The following TINAG variants were observed in gnomAD, a reference collection of about 807,000 sequenced individuals.
The protein encoded by TINAG is tubulointerstitial nephritis antigen.
TINAG carries 83 observed loss-of-function variants against 72.7 expected under a neutral mutation model. The observed-to-expected ratio is 1.14, with a 90% CI of 0.96 to 1.37. The LOEUF is 1.37. TINAG is among the 40% of genes most tolerant of loss of function. TINAG has a pLI of 0.00. For missense variants in TINAG, 685 were observed against 576.6 expected, an observed-to-expected ratio of 1.19 and a Z score of -1.93; for synonymous variants, 234 against 189.9, an observed-to-expected ratio of 1.23 and a Z score of -1.91.
chr6:54,346,439 G>A (rs1185459814), intron 5 of TINAG, among the ~76,000 whole-genome samples: 2 of 151,382 alleles, frequency 1.3e-5, no homozygotes, highest in South Asian at 2.1e-4. Context: ...CATATATAAT[G>A]ATATTAGTTA....
intron 10 of TINAG, among the ~76,000 whole-genome samples, chr6:54,381,062 A>G (rs1389933643): frequency 1.3e-5 from 2 of 148,418 alleles, no homozygotes; most frequent in Non-Finnish European, 3.0e-5. Flanking sequence ...ATATATACAC[A>G]TATATGTATA....
In TINAG at chr6:54,313,477, A is replaced by G. The variant is rs75867791; in HGVS notation, c.355+4572A>G. 0.024 allele frequency among the ~76,000 whole-genome samples: 3,675 copies of G among 152,224 alleles called. 271 individuals are homozygous for G. In the East Asian group the frequency reaches 0.3, roughly 12 times the overall value. ...TGAACATACTCTTCCTCCTCCTTAC[A>G]AGCTAAGATTTATTGAATACTTACT... On this transcript the variant is annotated intron_variant, in intron 1 of 10. Transcript: ENST00000259782.
At chr6:54,358,477 T>C (rs953801171) in intron 9 of TINAG, among the ~76,000 whole-genome samples, 10 of 150,940 alleles carry the variant, frequency 6.6e-5, no homozygotes, top group Non-Finnish European at 1.0e-4. Context: ...TTTTTCCTTA[T>C]GGTCTGCACT....
intron 9 of TINAG, among the ~76,000 whole-genome samples, chr6:54,378,922 T>A (rs1170245047): frequency 6.6e-6 from 1 of 152,122 alleles, no homozygotes; most frequent in East Asian, 1.9e-4. Context: ...ATACATTATA[T>A]TTTGTGTGTG....
intron 1 of TINAG, among the ~76,000 whole-genome samples, chr6:54,319,865 A>T (rs1273012223): frequency 6.6e-6 from 1 of 152,118 alleles, no homozygotes. Context: ...AGCAGATTAT[A>T]TTTTCAAAAG....
In TINAG at chr6:54,349,860, C is replaced by A. The variant is rs1277383573; in HGVS notation, c.1044C>A (p.Ile348=). The change falls in exon 7 of 11, where the codon ATC becomes ATA. Residue 348 remains isoleucine, a synonymous_variant. Transcript: ENST00000259782. ...CPNNVEKSNR[I]YQCSPPYRVS... is the part of the protein sequence containing the mutation. ...ACAACGTAGAAAAATCTAACAGGATCTATCAATGTTCTCCTCCATACAGAG... is the reference window on the plus strand; with the variant it reads ...ACAACGTAGAAAAATCTAACAGGATATATCAATGTTCTCCTCCATACAGAG... The A allele has an allele frequency of 1.2e-6, 2 of 1,608,668 alleles. No homozygotes were observed. Among genetic ancestry groups the A allele is most frequent in the Middle Eastern group, 1.7e-4 (1 of 6,040 alleles).
intron 7 of TINAG, 59 bp from the exon 8 acceptor site, chr6:54,351,293 C>A: frequency 6.9e-7 from 1 of 1,456,698 alleles, no homozygotes; most frequent in Non-Finnish European, 9.6e-7. Context: ...GTACACCAAT[C>A]AATGGGTTTA....
At chr6:54,378,283 A>G (rs1349760669) in intron 9 of TINAG, among the ~76,000 whole-genome samples, 1 of 152,298 alleles carries the variant, frequency 6.6e-6, no homozygotes, top group Middle Eastern at 3.4e-3. Context: ...TTCAGTTGCC[A>G]TACTTTCCTT....
chr6:54,341,602 C>G (rs758857212), intron 4 of TINAG, among the ~76,000 whole-genome samples: 4 of 152,092 alleles, frequency 2.6e-5, no homozygotes, highest in African/African-American at 9.7e-5. Context: ...TGGATGAAAA[C>G]CTTTTCAAGC....
intron 1 of TINAG, 83 bp from the exon 2 acceptor site, chr6:54,320,495 AC>A: frequency 8.8e-7 from 1 of 1,138,510 alleles, no homozygotes; most frequent in Non-Finnish European, 1.3e-6. Flanking sequence ...TGAAAAGCTA[AC>A]TATGATTTTT....
At chr6:54,345,529 A>G (rs773800116) in intron 5 of TINAG, among the ~76,000 whole-genome samples, 11 of 152,176 alleles carry the variant, frequency 7.2e-5, no homozygotes, top group Non-Finnish European at 1.2e-4. Flanking sequence ...TCTACACTAT[A>G]AAAGTATTTT....
chr6:54,341,000 G>T (rs1274378643), intron 4 of TINAG, among the ~76,000 whole-genome samples: 1 of 152,004 alleles, frequency 6.6e-6, no homozygotes, highest in Non-Finnish European at 1.5e-5. Flanking sequence ...TTCAAATGTG[G>T]AGGTCAATTT....
intron 8 of TINAG, among the ~76,000 whole-genome samples, chr6:54,354,101 C>T (rs1785332328): frequency 6.6e-6 from 1 of 151,810 alleles, no homozygotes. Context: ...GGATTAACAA[C>T]AATTGCTTTA....
chr6:54,381,916 G>A (rs1562186951), intron 10 of TINAG, among the ~76,000 whole-genome samples: 1 of 151,972 alleles, frequency 6.6e-6, no homozygotes, highest in Non-Finnish European at 1.5e-5. Context: ...ATGAACGAAT[G>A]TGCAGAGGAA....
chr6:54,349,019 A>G (rs368599851), intron 6 of TINAG, among the ~76,000 whole-genome samples: 6 of 152,122 alleles, frequency 3.9e-5, no homozygotes, highest in Middle Eastern at 3.4e-3. Context: ...CAATATTATT[A>G]TGTTTGAATT....
intron 9 of TINAG, among the ~76,000 whole-genome samples, chr6:54,357,698 T>C (rs1254526940): frequency 1.3e-5 from 2 of 151,948 alleles, no homozygotes; most frequent in Non-Finnish European, 2.9e-5. Context: ...CACTGTTTAC[T>C]ATCTGAACTA....
rs1763115591 is a variant in TINAG, at chr6:54,358,236, CT to C, written c.1250+3601del. 2.0e-5 allele frequency among the ~76,000 whole-genome samples: 3 copies of C among 151,926 alleles called. No individual in the cohort carries two copies. The South Asian group carries it at 6.2e-4, about 31-fold the overall frequency. On this transcript the variant is annotated intron_variant, in intron 9 of 10. Coordinates refer to ENST00000259782, the MANE Select transcript of TINAG (RefSeq NM_014464.4). ...CTCTGCTCCAGCAATCCTGATCCCC[CT>C]ACCTGCTTTATTTTTAAAAATTTTA...
intron 1 of TINAG, among the ~76,000 whole-genome samples, chr6:54,319,404 C>T (rs777603997): frequency 2.0e-5 from 3 of 152,032 alleles, no homozygotes; most frequent in Non-Finnish European, 2.9e-5. Context: ...TCCTACATCT[C>T]GGGTTTGCTG....
At chr6:54,334,520 C>T (rs1378403620) in intron 4 of TINAG, among the ~76,000 whole-genome samples, 4 of 152,108 alleles carry the variant, frequency 2.6e-5, no homozygotes, top group Admixed American at 6.5e-5. Context: ...CTTACAGTTT[C>T]GTACATGATC....
Sources: allele counts gnomAD v4.1 joint callset (sites outside exome capture counted in the v4.1 genomes callset), GRCh38; gene constraint gnomAD v4.1.1; transcripts MANE v1.5; gene names NCBI Gene and HGNC (gene_info 2026-07-23, HGNC 2026-07-21).